Variants in AFG2B observed in about 807,000 individuals in gnomAD.
The protein encoded by AFG2B is AAA ATPase AFG2B.
chr15:45,418,590 ACCATG>A, the AFG2B span: 1 of 1,613,126 alleles, frequency 6.2e-7, no homozygotes, highest in Non-Finnish European at 8.5e-7. Context: ...CTGTACAAAA[ACCATG>A]CCAATAGGGC....
At chr15:45,418,627 T>C in the AFG2B span, 1 of 1,614,134 alleles carries the variant, frequency 6.2e-7, no homozygotes, top group Non-Finnish European at 8.5e-7. Flanking sequence ...TTAGAAAACC[T>C]CGCAGCAGAA....
chr15:45,407,952 C>T, the AFG2B span, among the ~76,000 whole-genome samples: 1 of 152,064 alleles, frequency 6.6e-6, no homozygotes, highest in Non-Finnish European at 1.5e-5. Flanking sequence ...TAACATAAAC[C>T]TTAATAGCCA....
chr15:45,417,507 C>T, the AFG2B span: 1 of 1,162,446 alleles, frequency 8.6e-7, no homozygotes, highest in South Asian at 1.7e-5. Flanking sequence ...TTCTTCCTTG[C>T]CTGGTGGCCT....
the AFG2B span, chr15:45,402,744 G>T: frequency 6.4e-5 from 100 of 1,569,408 alleles, no homozygotes; most frequent in Non-Finnish European, 7.4e-5. Context: ...TGCCCTGTCC[G>T]CCCCTGCGGC....
chr15:45,409,567 A>G, the AFG2B span, among the ~76,000 whole-genome samples: 1 of 151,912 alleles, frequency 6.6e-6, no homozygotes, highest in Non-Finnish European at 1.5e-5. Flanking sequence ...TACATAAAAT[A>G]CTTGAACATG....
the AFG2B span, among the ~76,000 whole-genome samples, chr15:45,412,859 G>A: frequency 6.6e-6 from 1 of 152,176 alleles, no homozygotes; most frequent in Non-Finnish European, 1.5e-5. Context: ...CTGCGTTACA[G>A]TTTCAGAAAT....
the AFG2B span, among the ~76,000 whole-genome samples, chr15:45,419,997 C>CAAA: frequency 7.4e-5 from 4 of 53,706 alleles, no homozygotes; most frequent in Non-Finnish European, 1.0e-4. Context: ...CCCCCCCCCC[C>CAAA]AAAAAAAAAA....
chr15:45,402,371 T>C, the AFG2B span: 4 of 1,551,542 alleles, frequency 2.6e-6, no homozygotes, highest in South Asian at 1.2e-5. Context: ...GTGTTCCGCT[T>C]TTTGTGGGCC....
the AFG2B span, among the ~76,000 whole-genome samples, chr15:45,414,103 C>T: frequency 6.6e-6 from 1 of 152,032 alleles, no homozygotes; most frequent in Admixed American, 6.6e-5. Context: ...AAAGGATGGG[C>T]AGTAGCATAG....
chr15:45,415,330 C>T, the AFG2B span, among the ~76,000 whole-genome samples: 1 of 152,002 alleles, frequency 6.6e-6, no homozygotes, highest in African/African-American at 2.4e-5. Context: ...AACCCCGTCT[C>T]TACTAAAAAT....
chr15:45,402,468 C>G, the AFG2B span: 1 of 1,609,626 alleles, frequency 6.2e-7, no homozygotes. Context: ...AAGGGCCGCT[C>G]TTAAAGCTGC....
At chr15:45,410,472 A>G in the AFG2B span, 1 of 1,613,204 alleles carries the variant, frequency 6.2e-7, no homozygotes, top group Admixed American at 1.7e-5. Context: ...ATGGATATCA[A>G]GCCTGTTGAC....
the AFG2B span, chr15:45,410,284 A>G: frequency 1.4e-6 from 2 of 1,446,234 alleles, no homozygotes; most frequent in Non-Finnish European, 1.9e-6. Flanking sequence ...TACAAATCCA[A>G]AAGAAGATTT....
At chr15:45,403,533 C>T in the AFG2B span, 2 of 1,596,334 alleles carry the variant, frequency 1.3e-6, no homozygotes, top group South Asian at 1.1e-5. Context: ...ATGGGCTTGG[C>T]GGGTTTGCCC....
At chr15:45,412,398 CAA>C in the AFG2B span, among the ~76,000 whole-genome samples, 5 of 134,684 alleles carry the variant, frequency 3.7e-5, no homozygotes, top group African/African-American at 1.3e-4. Flanking sequence ...GACTCCGTCT[CAA>C]AAAAAAAAAA....
the AFG2B span, chr15:45,417,350 G>T: frequency 6.2e-7 from 1 of 1,613,968 alleles, no homozygotes; most frequent in Non-Finnish European, 8.5e-7. Context: ...GCTTTGTTAC[G>T]ACCTGGAAGA....
At chr15:45,415,622 T>C in the AFG2B span, 5 of 1,613,980 alleles carry the variant, frequency 3.1e-6, no homozygotes, top group South Asian at 1.1e-5. Context: ...CTCCAGCAAT[T>C]TTGTTTTTGG....
the AFG2B span, among the ~76,000 whole-genome samples, chr15:45,418,364 GATTC>G: frequency 4.3e-4 from 61 of 140,946 alleles, no homozygotes; most frequent in African/African-American, 1.4e-3. Flanking sequence ...AAAAAAAAAA[GATTC>G]ATAAGTTTTT....
At chr15:45,415,089 T>C in the AFG2B span, among the ~76,000 whole-genome samples, 1 of 152,194 alleles carries the variant, frequency 6.6e-6, no homozygotes, top group Admixed American at 6.5e-5. Flanking sequence ...AAATTTATAG[T>C]ATTCTTTGAA....
Sources: allele counts gnomAD v4.1 joint callset (sites outside exome capture counted in the v4.1 genomes callset), GRCh38; gene constraint gnomAD v4.1.1; transcripts MANE v1.5; gene names NCBI Gene and HGNC (gene_info 2026-07-23, HGNC 2026-07-21).